CAMLG: variants seen among roughly 807,000 people sequenced by gnomAD.
The protein encoded by CAMLG is calcium modulating ligand, also known as guided entry of tail-anchored proteins factor CAMLG.
In CAMLG, 23 loss-of-function variants were observed where a neutral mutation model predicts 28.9. The ratio of observed to expected loss-of-function variants is 0.80; its 90% CI spans 0.57 to 1.13. The LOEUF is 1.13. Ranked by LOEUF, CAMLG falls within the 50% of genes most tolerant of loss-of-function variation. The pLI, the probability that CAMLG is intolerant of heterozygous loss-of-function variation, is 0.00. For missense variants in CAMLG, 367 were observed against 371.9 expected (o/e 0.99, Z 0.11); for synonymous variants, 141 against 146.5 (o/e 0.96, Z 0.27).
chr5:134,740,882 A>G (rs1429257396), intron 1 of CAMLG, among the ~76,000 whole-genome samples, 181 bp from the exon 2 acceptor site: 1 of 152,236 alleles, frequency 6.6e-6, no homozygotes, highest in Non-Finnish European at 1.5e-5. Flanking sequence ...TGTTGGGATT[A>G]CAGGCGTGAG....
At chr5:134,741,586 G>A (rs1752985496) in intron 2 of CAMLG, 63 bp downstream of exon 2, 1 of 1,035,856 alleles carries the variant, frequency 9.7e-7, no homozygotes, top group Non-Finnish European at 1.4e-6. Flanking sequence ...TAATAATTAT[G>A]AGTGCTTTTG....
chr5:134,738,741 G>C lies in CAMLG; in HGVS notation c.121G>C (p.Glu41Gln). 1 of 1,614,122 alleles carries C rather than the reference G, an allele frequency of 6.2e-7. No individual in the cohort carries two copies. Among genetic ancestry groups the C allele is most frequent in the Non-Finnish European group, 8.5e-7 (1 of 1,180,014 alleles). The change falls in exon 1 of 4, where the codon GAA becomes CAA. Residue 41 changes from glutamate (E) to glutamine (Q), a missense_variant. Physicochemically the swap from Glu to Gln is conservative, Grantham distance 29 (BLOSUM62 2). Transcript: ENST00000297156. ...TCGGAGAAAGCTGCTCATGAACTCG[G>C]AACAGCGCATCAACCGGATCATGGG... is the stretch of plus-strand genomic sequence containing the variant. Reference protein sequence around the residue: ...LRRRKLLMNSEQRINRIMGFH... With the variant: ...LRRRKLLMNSQQRINRIMGFH...
Position 134,744,004 on chromosome 5 carries a change from T to C in CAMLG, c.651T>C (p.Phe217=). 1 of 1,423,426 alleles carries C rather than the reference T, an allele frequency of 7.0e-7. No individual in the cohort carries two copies. Among genetic ancestry groups the C allele is most frequent in the East Asian group, 2.3e-5 (1 of 43,962 alleles). The allele number at this position is 1,423,426 out of a possible 1,614,324, so 88.2% of individuals were successfully genotyped here. A position where few individuals can be genotyped will look rare whatever the true frequency, so the allele number is the denominator to read the frequency against. ...VCKYLSIFAP[F]LTLQLAYMGL... ...CTTCACAGTCCATATTTGCTCCATT[T>C]CTTACTTTACAACTTGCGTACATGG... The change falls in exon 3 of 4, where the codon TTT becomes TTC. Residue 217 remains phenylalanine (F), a synonymous_variant. Transcript: ENST00000297156.
At chr5:134,745,914 G>A (rs1333945316) in intron 3 of CAMLG, among the ~76,000 whole-genome samples, 1 of 151,692 alleles carries the variant, frequency 6.6e-6, no homozygotes, top group African/African-American at 2.4e-5. Context: ...CGAGGCGGGC[G>A]GATCAGCTGA....
chr5:134,750,785 A>G lies in CAMLG; in HGVS notation c.726A>G (p.Val242=). 6.2e-7 allele frequency: 1 copy of G among 1,613,660 alleles called. No homozygotes were observed. Among genetic ancestry groups the G allele is most frequent in the East Asian group, 2.2e-5 (1 of 44,872 alleles). ...PKSEKKIKTT[V]LTAALLLSGI... ...GTGAAAAGAAGATAAAGACAACAGTACTAACAGCTGCACTTCTATTGTCGG... is the reference window on the plus strand; with the variant it reads ...GTGAAAAGAAGATAAAGACAACAGTGCTAACAGCTGCACTTCTATTGTCGG... Residue 242 remains valine (V), a synonymous_variant, in exon 4 of 4, where the codon GTA becomes GTG. Coordinates refer to ENST00000297156, the MANE Select transcript of CAMLG (RefSeq NM_001745.4).
At chr5:134,750,307 A>T (rs1402041854) in intron 3 of CAMLG, among the ~76,000 whole-genome samples, 1 of 152,180 alleles carries the variant, frequency 6.6e-6, no homozygotes, top group African/African-American at 2.4e-5. Context: ...TGGGAGGCTG[A>T]GGCGGGCAGA....
chr5:134,745,510 C>T (rs1394561101), intron 3 of CAMLG, among the ~76,000 whole-genome samples: 3 of 150,620 alleles, frequency 2.0e-5, no homozygotes, highest in South Asian at 4.2e-4. Flanking sequence ...CCAGCACTTT[C>T]GGAGGCTGAG....
intron 1 of CAMLG, among the ~76,000 whole-genome samples, chr5:134,740,377 T>C (rs1404963515): frequency 2.6e-5 from 4 of 152,182 alleles, no homozygotes; most frequent in Admixed American, 2.6e-4. Flanking sequence ...TTACTGATTT[T>C]ATATTTTTAA....
intron 1 of CAMLG, among the ~76,000 whole-genome samples, chr5:134,740,422 T>A (rs899633718): frequency 1.3e-5 from 2 of 152,160 alleles, no homozygotes; most frequent in African/African-American, 2.4e-5. Flanking sequence ...CAATCATACA[T>A]CTGGGATATA....
At chr5:134,750,306 G>A (rs1156532522) in intron 3 of CAMLG, among the ~76,000 whole-genome samples, 1 of 152,162 alleles carries the variant, frequency 6.6e-6, no homozygotes, top group African/African-American at 2.4e-5. Context: ...TTGGGAGGCT[G>A]AGGCGGGCAG....
intron 1 of CAMLG, 66 bp downstream of exon 1, chr5:134,738,858 T>C: frequency 6.8e-7 from 1 of 1,479,180 alleles, no homozygotes; most frequent in Non-Finnish European, 9.4e-7. Context: ...CATTCTTCCC[T>C]CTCCCACCTC....
In CAMLG at chr5:134,741,623, T is replaced by C. The variant is rs940147708; in HGVS notation, c.633+100T>C. 6 of 732,906 alleles carry C rather than the reference T, an allele frequency of 8.2e-6. No individual in the cohort carries two copies. In the East Asian group the frequency reaches 1.5e-4, roughly 19 times the overall value. 45.4% of individuals were successfully genotyped at this position (732,906 alleles called of 1,614,324 possible). A position where few individuals can be genotyped will look rare whatever the true frequency, so the allele number is the denominator to read the frequency against. The stretch of plus-strand genomic sequence containing the variant: ...TCATAGAAGTCATTGCCAGTATTAA[T>C]ATCTACCAGATCCATGTGGCTGTTT... On this transcript the variant is annotated intron_variant, in intron 2 of 3. Transcript: ENST00000297156.
intron 3 of CAMLG, among the ~76,000 whole-genome samples, chr5:134,749,491 T>C (rs1416385290): frequency 2.6e-5 from 4 of 152,226 alleles, no homozygotes; most frequent in African/African-American, 9.6e-5. Context: ...GTAAATGTTC[T>C]CTCTTCCACC....
intron 3 of CAMLG, among the ~76,000 whole-genome samples, 168 bp from the exon 4 acceptor site, chr5:134,750,591 T>G (rs1239960214): frequency 2.6e-5 from 4 of 152,180 alleles, no homozygotes; most frequent in African/African-American, 9.6e-5. Context: ...ATTGATGAGT[T>G]ACATATTATA....
intron 3 of CAMLG, among the ~76,000 whole-genome samples, chr5:134,745,689 G>T (rs1208430883): frequency 6.6e-6 from 1 of 151,156 alleles, no homozygotes; most frequent in Non-Finnish European, 1.5e-5. Flanking sequence ...GGAGGTGGAG[G>T]TTGCAGTGAG....
At chr5:134,748,933 A>G (rs1753081518) in intron 3 of CAMLG, among the ~76,000 whole-genome samples, 1 of 152,114 alleles carries the variant, frequency 6.6e-6, no homozygotes, top group Non-Finnish European at 1.5e-5. Flanking sequence ...TTGTATGACT[A>G]TATCCATTTA....
chr5:134,749,053 C>A (rs1188790206), intron 3 of CAMLG, among the ~76,000 whole-genome samples: 5 of 147,132 alleles, frequency 3.4e-5, no homozygotes, highest in Non-Finnish European at 7.5e-5. Flanking sequence ...GCTTTCATTT[C>A]TTTTAGGTAA....
Position 134,751,944 on chromosome 5 carries a change from A to T in CAMLG, c.*994A>T, listed in dbSNP as rs1206442299. ...TGATCTGCCCACCTCGGCCTCCCAA[A>T]GTGCTGGGATTACAGGCGTGAGCCA... is the stretch of plus-strand genomic sequence containing the variant. On this transcript the variant is annotated 3_prime_UTR_variant, in exon 4 of 4. Transcript: ENST00000297156. 6.6e-6 allele frequency: 1 copy of T among 152,202 alleles called. No homozygotes were observed. Among genetic ancestry groups the T allele is most frequent in the Non-Finnish European group, 1.5e-5 (1 of 68,070 alleles). 9.4% of individuals were successfully genotyped at this position (152,202 alleles called of 1,614,324 possible). A position where few individuals can be genotyped will look rare whatever the true frequency, so the allele number is the denominator to read the frequency against.
chr5:134,745,549 C>G (rs571446062), intron 3 of CAMLG, among the ~76,000 whole-genome samples: 1 of 151,694 alleles, frequency 6.6e-6, no homozygotes, highest in Non-Finnish European at 1.5e-5. Flanking sequence ...GTCAGGAGCT[C>G]GAGACTGGCC....
Sources: gnomAD v4.1 joint callset for allele counts (sites outside exome capture counted in the v4.1 genomes callset) on GRCh38, gnomAD v4.1.1 for gene constraint, MANE v1.5 for transcripts, NCBI Gene and HGNC (gene_info 2026-07-23, HGNC 2026-07-21) for gene names.